Variants in ZBTB10 observed in about 807,000 individuals in gnomAD.
ZBTB10 encodes zinc finger and BTB domain containing 10, also known as zinc finger and BTB domain-containing protein 10.
ZBTB10 carries 32 observed loss-of-function variants against 76.4 expected under a neutral mutation model. The ratio of observed to expected loss-of-function variants is 0.42; its 90% CI spans 0.32 to 0.56. ZBTB10 has a LOEUF of 0.56. Among genes scored for constraint, ZBTB10 ranks in the 20% least tolerant of loss-of-function variants. ZBTB10 has a pLI of 0.14. For missense variants in ZBTB10, 1,057 were observed against 1,098.5 expected (o/e 0.96, Z 0.53); for synonymous variants, 523 against 432.9 (o/e 1.21, Z -2.58).
chr8:80,502,655 C>T (rs77565195), intron 2 of ZBTB10, among the ~76,000 whole-genome samples: 3,386 of 151,840 alleles, frequency 0.022, 66 homozygotes, highest in Middle Eastern at 0.051. Context: ...ATAAATGGGT[C>T]TCAAAAGAGC....
At chr8:80,513,856 G>T in intron 2 of ZBTB10, 54 bp from the exon 3 acceptor site, 2 of 1,389,434 alleles carry the variant, frequency 1.4e-6, no homozygotes, top group South Asian at 2.4e-5. Context: ...GTGGTGTTTT[G>T]GGTGGTGGCT....
rs1375447974 is a variant in ZBTB10, at chr8:80,487,208, T to C, written c.398T>C (p.Leu133Pro). The C allele has an allele frequency of 1.3e-6, 2 of 1,543,388 alleles. No individual in the cohort carries two copies. The highest frequency in any genetic ancestry group is 1.7e-6 in the Non-Finnish European group (2 of 1,146,904). Reference protein sequence around the residue: ...LAFRGGGGGGLGNNGSSRGRP... With the variant: ...LAFRGGGGGGPGNNGSSRGRP... ...TTCCGAGGCGGCGGCGGCGGGGGTC[T>C]CGGCAACAATGGCAGTAGCCGCGGC... is the stretch of plus-strand genomic sequence containing the variant. The change falls in exon 1 of 6, where the codon CTC becomes CCC. Residue 133 changes from leucine to proline, a missense_variant. Physicochemically the swap from Leu to Pro is moderately conservative, Grantham distance 98 (BLOSUM62 -3). This residue lies in a region of ZBTB10 where 556 missense variants were observed against 451.7 expected (regional missense o/e 1.23). Coordinates refer to ENST00000455036, the MANE Select transcript of ZBTB10 (RefSeq NM_001105539.3).
intron 1 of ZBTB10, among the ~76,000 whole-genome samples, chr8:80,490,324 A>T (rs1349651755): frequency 6.6e-6 from 1 of 152,130 alleles, no homozygotes; most frequent in African/African-American, 2.4e-5. Flanking sequence ...GGTGAGATAA[A>T]GGCTCACTGC....
At chr8:80,490,725 A>G (rs562195444) in intron 1 of ZBTB10, among the ~76,000 whole-genome samples, 2 of 152,348 alleles carry the variant, frequency 1.3e-5, no homozygotes, top group African/African-American at 4.8e-5. Flanking sequence ...TTTAGGCAAG[A>G]AATCACTTTG....
chr8:80,501,497 A>G (rs1383984137), intron 2 of ZBTB10, among the ~76,000 whole-genome samples: 1 of 152,192 alleles, frequency 6.6e-6, no homozygotes, highest in African/African-American at 2.4e-5. Context: ...ACTTCAAAGC[A>G]CTGTAACTGT....
At position 80,520,672 on chromosome 8, in the gene ZBTB10, A is replaced by AT. The variant is rs1228092853; in HGVS notation, c.*1151dup. Reference sequence around the variant, plus strand: ...TGAAATTATGATCAATACTTAATTTATTTTTTTCTGTCCTTGAAGTCACTA... The same window carrying AT: ...TGAAATTATGATCAATACTTAATTTATTTTTTTTCTGTCCTTGAAGTCACTA... On this transcript the variant is annotated 3_prime_UTR_variant, in exon 6 of 6. Coordinates refer to ENST00000455036, the MANE Select transcript of ZBTB10 (RefSeq NM_001105539.3). 2 of 151,874 alleles carry AT rather than the reference A, an allele frequency of 1.3e-5. No individual in the cohort carries two copies. Among genetic ancestry groups the AT allele is most frequent in the Non-Finnish European group, 2.9e-5 (2 of 67,864 alleles). 9.4% of individuals were successfully genotyped at this position (151,874 alleles called of 1,614,324 possible).
chr8:80,489,971 T>C (rs1284335979), intron 1 of ZBTB10, among the ~76,000 whole-genome samples: 2 of 152,234 alleles, frequency 1.3e-5, no homozygotes, highest in Admixed American at 6.5e-5. Flanking sequence ...CCTATATAAA[T>C]ACCTGTTTGT....
chr8:80,501,711 A>G (rs1172993354), intron 2 of ZBTB10, among the ~76,000 whole-genome samples: 1 of 152,104 alleles, frequency 6.6e-6, no homozygotes, highest in Non-Finnish European at 1.5e-5. Context: ...TTACTGTGTG[A>G]AAAATCAAGT....
chr8:80,491,813 T>C (rs1473966320), intron 1 of ZBTB10, among the ~76,000 whole-genome samples: 1 of 152,212 alleles, frequency 6.6e-6, no homozygotes, highest in African/African-American at 2.4e-5. Flanking sequence ...AATTGTGAAA[T>C]TTTCATAGCC....
chr8:80,485,878 G>A, upstream of ZBTB10: 1 of 1,535,696 alleles, frequency 6.5e-7, no homozygotes, highest in South Asian at 1.2e-5. Flanking sequence ...TCCCGGGCGC[G>A]GGTAGGTGCG....
Position 80,523,639 on chromosome 8 carries a change from A to G in ZBTB10, c.*4111A>G, listed in dbSNP as rs1281624014. 8 of 150,318 alleles carry G rather than the reference A, an allele frequency of 5.3e-5. No homozygotes were observed. 9.3% of individuals were successfully genotyped at this position (150,318 alleles called of 1,614,324 possible). ...AAAGTTTTTTTTTTTTTCCTGCTGT[A>G]TCTCTGCTTTCAACTGAAGTTAAAG... is the stretch of plus-strand genomic sequence containing the variant. On this transcript the variant is annotated 3_prime_UTR_variant, in exon 6 of 6. Transcript: ENST00000455036.
At chr8:80,493,575 G>C (rs1815700980) in intron 1 of ZBTB10, among the ~76,000 whole-genome samples, 1 of 151,958 alleles carries the variant, frequency 6.6e-6, no homozygotes, top group Non-Finnish European at 1.5e-5. Context: ...CCAGCACTTC[G>C]GGAGGCCGAG....
chr8:80,502,439 G>A (rs1815948162), intron 2 of ZBTB10, among the ~76,000 whole-genome samples: 1 of 152,160 alleles, frequency 6.6e-6, no homozygotes, highest in East Asian at 1.9e-4. Flanking sequence ...GTCTCACCAT[G>A]TTGGCCAAGC....
Position 80,486,785 on chromosome 8 carries a change from GGGCGGCGGC to G in ZBTB10, c.-15_-7del, listed in dbSNP as rs533117472. On this transcript the variant is annotated 5_prime_UTR_variant, in exon 1 of 6. Coordinates refer to ENST00000455036, the MANE Select transcript of ZBTB10 (RefSeq NM_001105539.3). ...GAGGCCGTGCGCGAGCCGGGGCACC[GGGCGGCGGC>G]GGCGGCGGCGCGCGCCATGTCGTTC... 3 of 1,382,096 alleles carry G rather than the reference GGGCGGCGGC, an allele frequency of 2.2e-6. No individual in the cohort carries two copies. Among genetic ancestry groups the G allele is most frequent in the Non-Finnish European group, 2.8e-6 (3 of 1,073,088 alleles). 85.6% of individuals were successfully genotyped at this position (1,382,096 alleles called of 1,614,324 possible).
rs1363295961 is a variant in ZBTB10 at position 80,522,138 on chromosome 8, G to GT, written c.*2614dup. On this transcript the variant is annotated 3_prime_UTR_variant, in exon 6 of 6. Transcript: ENST00000455036. The stretch of plus-strand genomic sequence containing the variant: ...CCCATCTAGATCTTTTAAAAAAATA[G>GT]TTTTAGTACTAAGGTATACTACTGG... 1 of 151,668 alleles carries GT rather than the reference G, an allele frequency of 6.6e-6. No individual in the cohort carries two copies. The highest frequency in any genetic ancestry group is 2.4e-5 in the African/African-American group (1 of 41,344). 9.4% of individuals were successfully genotyped at this position (151,668 alleles called of 1,614,324 possible).
At chr8:80,515,372 C>T (rs986731184) in intron 3 of ZBTB10, among the ~76,000 whole-genome samples, 1 of 152,124 alleles carries the variant, frequency 6.6e-6, no homozygotes, top group Non-Finnish European at 1.5e-5. Flanking sequence ...TAAGAGTAGT[C>T]GTGGGCTCTG....
At chr8:80,497,715 T>G (rs1815823828) in intron 1 of ZBTB10, among the ~76,000 whole-genome samples, 1 of 132,274 alleles carries the variant, frequency 7.6e-6, no homozygotes, top group South Asian at 2.7e-4. Context: ...TTGAGACAGG[T>G]CTCAGTCTGT....
chr8:80,507,723 C>T (rs1444066260), intron 2 of ZBTB10, among the ~76,000 whole-genome samples: 1 of 152,144 alleles, frequency 6.6e-6, no homozygotes, highest in Non-Finnish European at 1.5e-5. Context: ...TCCTGAGTAC[C>T]TGGGCACACC....
chr8:80,519,062 A>C, intron 5 of ZBTB10, 108 bp downstream of exon 5: 1 of 1,426,666 alleles, frequency 7.0e-7, no homozygotes, highest in Non-Finnish European at 9.3e-7. Flanking sequence ...ATTGTCTCCT[A>C]AATTGCTTTA....
Sources: gnomAD v4.1 joint callset for allele counts (sites outside exome capture counted in the v4.1 genomes callset) on GRCh38, gnomAD v4.1.1 for gene constraint, gnomAD v4.1.1 regional missense constraint, MANE v1.5 for transcripts, NCBI Gene and HGNC (gene_info 2026-07-23, HGNC 2026-07-21) for gene names.